The following WNT16 variants were observed in gnomAD, a reference collection of about 807,000 sequenced individuals.
WNT16 encodes the protein Wnt family member 16, also known as protein Wnt-16.
A neutral mutation model predicts 35.4 loss-of-function variants in WNT16; 20 were observed. That is an observed-to-expected ratio of 0.56 (90% CI 0.40 to 0.82). WNT16 has a LOEUF of 0.82. WNT16 is among the 40% of genes least tolerant of loss of function. WNT16 has a pLI of 0.00. For missense variants in WNT16, 461 were observed against 466.0 expected, an observed-to-expected ratio of 0.99 and a Z score of 0.10; for synonymous variants, 180 against 179.2, an observed-to-expected ratio of 1.00 and a Z score of -0.03.
upstream of WNT16, among the ~76,000 whole-genome samples, chr7:121,328,138 G>A (rs1257835992): frequency 6.6e-6 from 1 of 152,186 alleles, no homozygotes; most frequent in African/African-American, 2.4e-5. Context: ...CTGTCCTGCA[G>A]GGACGCATCG....
At chr7:121,337,800 T>G (rs1282911268) in intron 3 of WNT16, among the ~76,000 whole-genome samples, 2 of 152,230 alleles carry the variant, frequency 1.3e-5, no homozygotes, top group African/African-American at 4.8e-5. Flanking sequence ...TAGACCTTAG[T>G]GTGTGTCAGG....
chr7:121,329,434 G>T (rs763081629), intron 1 of WNT16, 47 bp downstream of exon 1: 8 of 1,598,506 alleles, frequency 5.0e-6, no homozygotes, highest in African/African-American at 1.3e-5. Flanking sequence ...GGCAAAAGGG[G>T]TGCCCAATCC....
chr7:121,336,735 TACTC>T (rs1423252136), intron 3 of WNT16, among the ~76,000 whole-genome samples: 1 of 152,198 alleles, frequency 6.6e-6, no homozygotes, highest in Non-Finnish European at 1.5e-5. Flanking sequence ...CTGGACCAAT[TACTC>T]AATAAGTATT....
chr7:121,334,192 A>G (rs1793398662), intron 3 of WNT16, among the ~76,000 whole-genome samples: 1 of 152,016 alleles, frequency 6.6e-6, no homozygotes, highest in South Asian at 2.1e-4. Context: ...TAAATCTCTG[A>G]GTTTTCTCTC....
In WNT16 at chr7:121,339,156, A is replaced by G; in HGVS notation, c.909A>G (p.Pro303=). 6.2e-7 allele frequency: 1 copy of G among 1,614,232 alleles called. No individual in the cohort carries two copies. The highest frequency in any genetic ancestry group is 1.3e-5 in the African/African-American group (1 of 75,068). ...TAGAAGATAAGAAACTGGGAATCCC[A>G]GGGACACAAGGCAGAGAATGCAACC... ...YCVEDKKLGI[P]GTQGRECNRT... Residue 303 remains proline, a synonymous_variant, in exon 4 of 4, where the codon CCA becomes CCG. Transcript: ENST00000222462.
intron 3 of WNT16, among the ~76,000 whole-genome samples, chr7:121,337,223 C>CA: frequency 6.6e-6 from 1 of 151,996 alleles, no homozygotes; most frequent in East Asian, 1.9e-4. Context: ...TTTGTGAATT[C>CA]AAAAAAAGCA....
chr7:121,335,476 T>C (rs1291797916), intron 3 of WNT16, among the ~76,000 whole-genome samples: 1 of 152,108 alleles, frequency 6.6e-6, no homozygotes, highest in Non-Finnish European at 1.5e-5. Flanking sequence ...TTTGCAATAG[T>C]TAACAAAACA....
At position 121,329,323 on chromosome 7, in the gene WNT16, C is replaced by G; in HGVS notation, c.31C>G (p.Arg11Gly). The change falls in exon 1 of 4, where the codon CGC becomes GGC. Residue 11 changes from arginine (R) to glycine (G), a missense_variant. By Grantham distance (125) the Arg-to-Gly change is moderately radical (BLOSUM62 -2). Coordinates refer to ENST00000222462, the MANE Select transcript of WNT16 (RefSeq NM_057168.2). MDRAALLGLA[R>G]LCALWAALLV... is the part of the protein sequence containing the mutation. ...CAGGGCGGCGCTCCTGGGACTGGCC[C>G]GCTTGTGCGCGCTGTGGGCAGCCCT... is the stretch of plus-strand genomic sequence containing the variant. 1.3e-6 allele frequency: 2 copies of G among 1,593,140 alleles called. No homozygotes were observed. Among genetic ancestry groups the G allele is most frequent in the Non-Finnish European group, 1.7e-6 (2 of 1,170,208 alleles).
Position 121,339,578 on chromosome 7 carries a change from T to G in WNT16, c.*233T>G, listed in dbSNP as rs1202334222. 2 of 509,696 alleles carry G rather than the reference T, an allele frequency of 3.9e-6. No individual in the cohort carries two copies. Among genetic ancestry groups the G allele is most frequent in the East Asian group, 5.7e-5 (2 of 35,234 alleles). 31.6% of individuals were successfully genotyped at this position (509,696 alleles called of 1,614,324 possible). On this transcript the variant is annotated 3_prime_UTR_variant, in exon 4 of 4. Transcript: ENST00000222462. ...TGTTGAAAAGGTTTATATTCACCTT[T>G]TGATGATTTGGGGAATATATATTGA...
upstream of WNT16, chr7:121,325,445 C>G (rs1562873301): frequency 6.2e-7 from 1 of 1,613,664 alleles, no homozygotes; most frequent in East Asian, 2.2e-5. Context: ...TCAGGGAGAC[C>G]CTCTTCACAG....
At chr7:121,329,860 A>G in intron 2 of WNT16, 43 bp downstream of exon 2, 2 of 1,587,526 alleles carry the variant, frequency 1.3e-6, no homozygotes, top group Non-Finnish European at 1.7e-6. Context: ...ACGGAAGGCG[A>G]CAACTCCTCC....
intron 2 of WNT16, 100 bp from the exon 3 acceptor site, chr7:121,331,577 GA>G: frequency 8.8e-7 from 1 of 1,131,770 alleles, no homozygotes; most frequent in Non-Finnish European, 1.2e-6. Flanking sequence ...GTAAGCAACT[GA>G]AAAATTACTT....
At chr7:121,335,391 T>A (rs1031729762) in intron 3 of WNT16, among the ~76,000 whole-genome samples, 1 of 152,060 alleles carries the variant, frequency 6.6e-6, no homozygotes, top group Non-Finnish European at 1.5e-5. Context: ...ACACAAGGAA[T>A]CCAGTAGATT....
intron 3 of WNT16, among the ~76,000 whole-genome samples, chr7:121,335,725 C>T (rs551194020): frequency 6.6e-6 from 1 of 152,008 alleles, no homozygotes; most frequent in African/African-American, 2.4e-5. Flanking sequence ...AATATACTTG[C>T]ATTTTCCACT....
At chr7:121,333,946 T>C (rs750896411) in intron 3 of WNT16, among the ~76,000 whole-genome samples, 9 of 152,028 alleles carry the variant, frequency 5.9e-5, no homozygotes, top group Non-Finnish European at 8.8e-5. Context: ...CTATTTGGTT[T>C]TATTTTATAT....
chr7:121,333,096 T>C (rs1047032824), intron 3 of WNT16, among the ~76,000 whole-genome samples: 6 of 152,050 alleles, frequency 3.9e-5, no homozygotes, highest in Non-Finnish European at 8.8e-5. Flanking sequence ...TTAGCACATA[T>C]CATATATTCT....
chr7:121,335,936 T>C (rs1415612537), intron 3 of WNT16, among the ~76,000 whole-genome samples: 2 of 151,996 alleles, frequency 1.3e-5, no homozygotes, highest in Non-Finnish European at 2.9e-5. Flanking sequence ...GTAAAATATT[T>C]ATTAAAATAT....
chr7:121,325,936 G>A (rs777241702), upstream of WNT16, among the ~76,000 whole-genome samples: 4 of 150,830 alleles, frequency 2.7e-5, no homozygotes, highest in Non-Finnish European at 5.9e-5. Context: ...AGCTACTCAG[G>A]AGGCTGAGGG....
rs763252100 is a variant in WNT16, at chr7:121,329,567, G to A, written c.96G>A (p.Met32Ile). The A allele has an allele frequency of 3.1e-6, 5 of 1,614,148 alleles. No individual in the cohort carries two copies. In the African/African-American group the frequency reaches 5.3e-5, roughly 17 times the overall value. The change falls in exon 2 of 4, where the codon ATG (methionine) becomes ATA (isoleucine). Residue 32 changes from methionine (M) to isoleucine (I), a missense_variant and splice_region_variant. Transcript: ENST00000222462. ...LFPYGAQGNW[M>I]WLGIASFGVP... is the part of the protein sequence containing the mutation. ...CGCTACGGGCGGCCGTGTCTTACAG[G>A]TGGTTGGGCATTGCCTCCTTCGGGG...
Sources: allele counts gnomAD v4.1 joint callset (sites outside exome capture counted in the v4.1 genomes callset), GRCh38; gene constraint gnomAD v4.1.1; transcripts MANE v1.5; gene names NCBI Gene and HGNC (gene_info 2026-07-23, HGNC 2026-07-21).